The following TRAPPC11 variants were observed in gnomAD, a reference collection of about 807,000 sequenced individuals.
The protein encoded by TRAPPC11 is trafficking protein particle complex subunit 11.
Under a neutral mutation model 151.2 loss-of-function variants are expected in TRAPPC11, and 104 were observed. That is an observed-to-expected ratio of 0.69 (90% CI 0.59 to 0.81). The LOEUF (loss-of-function observed/expected upper bound fraction) is 0.81. TRAPPC11 is among the 30% of genes least tolerant of loss of function. The probability of loss-of-function intolerance (pLI) is 0.00; values close to 1 mark genes in which losing one functional copy is unlikely to be tolerated. For synonymous variants in TRAPPC11, 456 were observed against 472.3 expected, an observed-to-expected ratio of 0.97 and a Z score of 0.45; for missense variants, 1,230 against 1,349.6, an observed-to-expected ratio of 0.91 and a Z score of 1.39.
chr4:183,663,277 A>C (rs57248524), intron 1 of TRAPPC11, among the ~76,000 whole-genome samples: 1,586 of 152,152 alleles, frequency 0.01, 24 homozygotes, highest in African/African-American at 0.037. Flanking sequence ...TCTGTCATCC[A>C]GGCTAGAGTG....
intron 8 of TRAPPC11, among the ~76,000 whole-genome samples, 161 bp downstream of exon 8, chr4:183,677,715 TAGC>T (rs1479108837): frequency 6.6e-6 from 1 of 152,236 alleles, no homozygotes; most frequent in African/African-American, 2.4e-5. Context: ...CATCGATTCT[TAGC>T]AGGCTATTTA....
chr4:183,693,856 A>G (rs1309971724), intron 21 of TRAPPC11, 61 bp from the exon 22 acceptor site: 8 of 1,602,132 alleles, frequency 5.0e-6, no homozygotes, highest in Middle Eastern at 1.7e-4. Context: ...TTCACACAGT[A>G]TTGATTATTG....
In TRAPPC11 at chr4:183,712,632, T is replaced by G; in HGVS notation, c.3390T>G (p.Ile1130Met). 6.2e-7 allele frequency: 1 copy of G among 1,614,192 alleles called. No homozygotes were observed. Among genetic ancestry groups the G allele is most frequent in the South Asian group, 1.1e-5 (1 of 91,082 alleles). The change falls in exon 30 of 30, where the codon ATT becomes ATG. Residue 1130 changes from isoleucine to methionine, a missense_variant. Ile to Met is a conservative substitution (Grantham distance 10). Coordinates refer to ENST00000334690, the MANE Select transcript of TRAPPC11 (RefSeq NM_021942.6). ...GTCGACTCATGGATGATACCTCTAT[T>G]GCTGCTGCATGATGTTCAAGACCGG... ...PQGRLMDDTS[I>M]AAA
At chr4:183,662,944 C>T (rs1212304938) in intron 1 of TRAPPC11, among the ~76,000 whole-genome samples, 1 of 152,108 alleles carries the variant, frequency 6.6e-6, no homozygotes, top group Non-Finnish European at 1.5e-5. Context: ...TCTTAAATGT[C>T]ATATAGTTAT....
intron 5 of TRAPPC11, among the ~76,000 whole-genome samples, chr4:183,670,898 G>T (rs1735122282): frequency 6.6e-6 from 1 of 152,154 alleles, no homozygotes; most frequent in Admixed American, 6.6e-5. Flanking sequence ...TGATTCTTCT[G>T]CCTCAGCCTC....
chr4:183,710,409 C>G (rs958311807), intron 29 of TRAPPC11, among the ~76,000 whole-genome samples: 4 of 151,928 alleles, frequency 2.6e-5, no homozygotes, highest in Admixed American at 6.6e-5. Flanking sequence ...GCCTCAGCCT[C>G]CCGAGTAGCT....
At chr4:183,707,123 A>G (rs1737112905) in intron 28 of TRAPPC11, among the ~76,000 whole-genome samples, 183 bp downstream of exon 28, 1 of 152,188 alleles carries the variant, frequency 6.6e-6, no homozygotes, top group South Asian at 2.1e-4. Context: ...CCCTTGTCAC[A>G]TCATTGAGAC....
intron 17 of TRAPPC11, among the ~76,000 whole-genome samples, chr4:183,686,078 T>C (rs1042929860): frequency 2.0e-5 from 3 of 152,174 alleles, no homozygotes; most frequent in African/African-American, 7.2e-5. Flanking sequence ...CCTTAGGTGA[T>C]GCACCCGCCT....
chr4:183,660,138 C>G (rs913945789), intron 1 of TRAPPC11, among the ~76,000 whole-genome samples: 1 of 152,158 alleles, frequency 6.6e-6, no homozygotes, highest in Non-Finnish European at 1.5e-5. Flanking sequence ...TGCGCCTGTG[C>G]GTTATCGGGG....
rs762555782 is a variant in TRAPPC11 at position 183,706,855 on chromosome 4, A to G, written c.3104A>G (p.His1035Arg). ...AGAGAGTCGTTACCTGTCAAGTATC[A>G]CCTACAGAATAAGACCGACTTAGTT... ...RVRESLPVKY[H>R]LQNKTDLVQD... is the part of the protein sequence containing the mutation. Residue 1035 changes from histidine (H) to arginine (R), a missense_variant, in exon 28 of 30, where the codon CAC becomes CGC. Coordinates refer to ENST00000334690, the MANE Select transcript of TRAPPC11 (RefSeq NM_021942.6). The G allele has an allele frequency of 7.4e-6, 12 of 1,613,986 alleles. No individual in the cohort carries two copies. The Admixed American group carries it at 1.7e-4, about 22-fold the overall frequency.
intron 1 of TRAPPC11, among the ~76,000 whole-genome samples, chr4:183,661,401 TC>T (rs1561020994): frequency 2.5e-5 from 3 of 119,890 alleles, no homozygotes; most frequent in Non-Finnish European, 3.3e-5. Flanking sequence ...CGGAGTCTCC[TC>T]GCTCTGTCGC....
intron 7 of TRAPPC11, 29 bp from the exon 8 acceptor site, chr4:183,677,429 T>A (rs1253872117): frequency 7.7e-7 from 1 of 1,302,822 alleles, no homozygotes; most frequent in Non-Finnish European, 1.1e-6. Flanking sequence ...TTAAACTAAT[T>A]TATATCATTA....
intron 29 of TRAPPC11, 149 bp from the exon 30 acceptor site, chr4:183,712,450 CA>C: frequency 1.3e-6 from 1 of 784,050 alleles, no homozygotes; most frequent in Non-Finnish European, 2.1e-6. Context: ...GGAGGAGAAT[CA>C]CCATATCACC....
intron 14 of TRAPPC11, 66 bp from the exon 15 acceptor site, chr4:183,684,630 T>G: frequency 6.6e-7 from 1 of 1,519,230 alleles, no homozygotes; most frequent in Non-Finnish European, 8.9e-7. Context: ...AGTATTTTTT[T>G]CTCCATGAAC....
chr4:183,688,985 C>A (rs1471082693), intron 18 of TRAPPC11, among the ~76,000 whole-genome samples: 1 of 152,170 alleles, frequency 6.6e-6, no homozygotes, highest in East Asian at 1.9e-4. Context: ...AAGGAGCCCA[C>A]CCACCTCAGC....
At position 183,675,175 on chromosome 4, in the gene TRAPPC11, T is replaced by C. The variant is rs550455150; in HGVS notation, c.672T>C (p.Val224=). 1.3e-6 allele frequency: 2 copies of C among 1,513,880 alleles called. No homozygotes were observed. The highest frequency in any genetic ancestry group is 4.7e-5 in the East Asian group (2 of 42,134). The allele number at this position is 1,513,880 out of a possible 1,614,324, so 93.8% of individuals were successfully genotyped here. Residue 224 remains valine (V), a synonymous_variant, in exon 7 of 30, where the codon GTT becomes GTC. Coordinates refer to ENST00000334690, the MANE Select transcript of TRAPPC11 (RefSeq NM_021942.6). ...TTGTCTCTTTTTAGCTTTTATTTGTTAGGCATCAGTTCAAAATAGCTTTCT... is the reference window on the plus strand; with the variant it reads ...TTGTCTCTTTTTAGCTTTTATTTGTCAGGCATCAGTTCAAAATAGCTTTCT... ...LNKTTHQLLF[V]RHQFKIAFFS...
At position 183,685,364 on chromosome 4, in the gene TRAPPC11, A is replaced by G. The variant is rs1482221271; in HGVS notation, c.1723A>G (p.Asn575Asp). 3 of 1,614,064 alleles carry G rather than the reference A, an allele frequency of 1.9e-6. No individual in the cohort carries two copies. The highest frequency in any genetic ancestry group is 2.7e-5 in the African/African-American group (2 of 74,956). The change falls in exon 17 of 30, where the codon AAT (asparagine) becomes GAT (aspartate). Residue 575 changes from asparagine (N) to aspartate (D), a missense_variant. By Grantham distance (23) the Asn-to-Asp change is conservative. Coordinates refer to ENST00000334690, the MANE Select transcript of TRAPPC11 (RefSeq NM_021942.6). Reference protein sequence around the residue: ...WADRISLAGSNIFTIGVQDFV... With the variant: ...WADRISLAGSDIFTIGVQDFV... ...AGACCGAATTTCTCTGGCTGGCAGC[A>G]ATATTTTCACAATAGGAGTACAGGA...
intron 2 of TRAPPC11, among the ~76,000 whole-genome samples, chr4:183,665,589 A>T (rs1337039647): frequency 3.3e-5 from 5 of 152,186 alleles, no homozygotes; most frequent in Non-Finnish European, 7.3e-5. Context: ...TAGACATTGG[A>T]TCACCATGAA....
intron 5 of TRAPPC11, among the ~76,000 whole-genome samples, chr4:183,669,094 G>C (rs796393765): frequency 5.9e-5 from 9 of 152,218 alleles, no homozygotes; most frequent in African/African-American, 2.2e-4. Context: ...CAGAGGAATA[G>C]GATCAAATGA....
Sources: gnomAD v4.1 joint callset for allele counts (sites outside exome capture counted in the v4.1 genomes callset) on GRCh38, gnomAD v4.1.1 for gene constraint, MANE v1.5 for transcripts, NCBI Gene and HGNC (gene_info 2026-07-23, HGNC 2026-07-21) for gene names.